Variants in CSMD1 observed in about 807,000 individuals in gnomAD.
CSMD1 encodes CUB and Sushi multiple domains 1.
CSMD1 carries 213 observed loss-of-function variants against 417.5 expected under a neutral mutation model. The ratio of observed to expected loss-of-function variants is 0.51; its 90% CI spans 0.46 to 0.57. The LOEUF (loss-of-function observed/expected upper bound fraction) is 0.57. CSMD1 is among the 20% of genes least tolerant of loss of function. The pLI, the probability that CSMD1 is intolerant of heterozygous loss-of-function variation, is 0.00. For missense variants in CSMD1, 6,923 were observed against 4,529.7 expected, an observed-to-expected ratio of 1.53 and a Z score of -15.17; for synonymous variants, 2,862 against 1,736.8, an observed-to-expected ratio of 1.65 and a Z score of -16.11.
At chr8:3,647,702 T>G (rs961671329) in intron 7 of CSMD1, among the ~76,000 whole-genome samples, 4 of 152,196 alleles carry the variant, frequency 2.6e-5, no homozygotes, top group Admixed American at 6.5e-5. Context: ...AGACATTGAT[T>G]TTCTTTGGAG....
At position 3,999,037 on chromosome 8, in the gene CSMD1, CTATA is replaced by C. The variant is rs1418782669; in HGVS notation, c.611-931_611-928del. On this transcript the variant is annotated intron_variant, in intron 4 of 69. Transcript: ENST00000635120. ...TATAAACTATATGATACTTTATATA[CTATA>C]TATAGCTATGTTATATATATAAATT... is the stretch of plus-strand genomic sequence containing the variant. Among the ~76,000 whole-genome samples the C allele has an allele frequency of 5.4e-5, 8 of 149,306 alleles. No homozygotes were observed. In the East Asian group the frequency reaches 1.4e-3, roughly 26 times the overall value.
chr8:4,072,611 G>C (rs964943325), intron 3 of CSMD1, among the ~76,000 whole-genome samples: 40 of 152,256 alleles, frequency 2.6e-4, no homozygotes, highest in African/African-American at 9.1e-4. Flanking sequence ...TGTGTTTTCT[G>C]TGTTTATGTT....
intron 23 of CSMD1, among the ~76,000 whole-genome samples, chr8:3,310,195 G>A (rs974195032): frequency 6.6e-6 from 1 of 152,182 alleles, no homozygotes; most frequent in Non-Finnish European, 1.5e-5. Context: ...ACTGCATAAT[G>A]CCAAGAAGAC....
intron 2 of CSMD1, among the ~76,000 whole-genome samples, chr8:4,426,884 A>C (rs1196004340): frequency 1.3e-5 from 2 of 151,938 alleles, no homozygotes; most frequent in Non-Finnish European, 2.9e-5. Context: ...AAGGGGTATT[A>C]GTATCAGATG....
intron 12 of CSMD1, among the ~76,000 whole-genome samples, chr8:3,455,743 C>T (rs938407862): frequency 1.6e-4 from 24 of 152,214 alleles, no homozygotes; most frequent in Admixed American, 6.5e-4. Flanking sequence ...GTCCCAGTTA[C>T]GCTACTCAGG....
At chr8:4,805,422 G>A (rs1798531335) in intron 1 of CSMD1, among the ~76,000 whole-genome samples, 1 of 152,112 alleles carries the variant, frequency 6.6e-6, no homozygotes, top group Non-Finnish European at 1.5e-5. Flanking sequence ...ATGTGACCGA[G>A]TCCTTGCCTA....
intron 3 of CSMD1, among the ~76,000 whole-genome samples, chr8:4,108,467 G>A (rs1316775204): frequency 6.6e-6 from 1 of 152,154 alleles, no homozygotes; most frequent in African/African-American, 2.4e-5. Flanking sequence ...TGCTTTAAAA[G>A]CATCAGATTT....
At chr8:4,362,211 A>T (rs967699041) in intron 3 of CSMD1, among the ~76,000 whole-genome samples, 1 of 152,318 alleles carries the variant, frequency 6.6e-6, no homozygotes, top group East Asian at 1.9e-4. Context: ...TTTCCAAAGG[A>T]TCCTGGGAGA....
At chr8:4,197,280 A>C (rs1028571728) in intron 3 of CSMD1, among the ~76,000 whole-genome samples, 1 of 152,256 alleles carries the variant, frequency 6.6e-6, no homozygotes, top group Non-Finnish European at 1.5e-5. Context: ...GAGAAGTATT[A>C]GGCATTAAGT....
chr8:4,840,812 G>C (rs1403196831), intron 1 of CSMD1, among the ~76,000 whole-genome samples: 1 of 152,074 alleles, frequency 6.6e-6, no homozygotes, highest in Admixed American at 6.5e-5. Flanking sequence ...ATACCAGGTA[G>C]GATTAAGTAT....
intron 3 of CSMD1, among the ~76,000 whole-genome samples, chr8:4,181,841 T>C (rs1249376060): frequency 1.3e-5 from 2 of 152,188 alleles, no homozygotes; most frequent in African/African-American, 4.8e-5. Context: ...TTCGTACAAA[T>C]AAAATGATAA....
chr8:3,142,768 A>G, intron 40 of CSMD1, 94 bp from the exon 41 acceptor site: 1 of 1,024,398 alleles, frequency 9.8e-7, no homozygotes, highest in South Asian at 1.3e-5. Flanking sequence ...CAGTCTCCCC[A>G]GACAATCCCT....
rs552803776 is a variant in CSMD1 at position 3,697,884 on chromosome 8, C to G, written c.1009+10530G>C. Among the ~76,000 whole-genome samples the G allele has an allele frequency of 2.0e-5, 3 of 152,060 alleles. No individual in the cohort carries two copies. In the South Asian group the frequency reaches 6.2e-4, roughly 32 times the overall value. On this transcript the variant is annotated intron_variant, in intron 7 of 69. Transcript: ENST00000635120. ...TGAGGTAAAAGAATGTGCTCTCTAG[C>G]CATTACGCAAAGTGAGTTTTTCCCT... is the stretch of plus-strand genomic sequence containing the variant.
At chr8:3,736,786 G>A (rs1796544263) in intron 6 of CSMD1, among the ~76,000 whole-genome samples, 3 of 152,214 alleles carry the variant, frequency 2.0e-5, no homozygotes, top group Admixed American at 2.0e-4. Flanking sequence ...ATCCTCATCT[G>A]CAAAGTGGGA....
chr8:3,110,089 G>T, intron 43 of CSMD1, 69 bp downstream of exon 43: 3 of 1,268,122 alleles, frequency 2.4e-6, no homozygotes, highest in East Asian at 2.6e-5. Context: ...GTATATAAGT[G>T]GCATATGTAT....
intron 2 of CSMD1, among the ~76,000 whole-genome samples, chr8:4,531,781 T>C (rs1796829023): frequency 6.6e-6 from 1 of 152,214 alleles, no homozygotes; most frequent in South Asian, 2.1e-4. Flanking sequence ...CTTTTTAGTA[T>C]ATGTGCAGAG....
At chr8:3,889,922 C>T (rs1806840387) in intron 5 of CSMD1, among the ~76,000 whole-genome samples, 1 of 152,076 alleles carries the variant, frequency 6.6e-6, no homozygotes, top group Non-Finnish European at 1.5e-5. Flanking sequence ...ATGCCACATG[C>T]CCGTAGTCTC....
At chr8:3,210,302 G>T (rs1340126849) in intron 30 of CSMD1, among the ~76,000 whole-genome samples, 1 of 152,020 alleles carries the variant, frequency 6.6e-6, no homozygotes, top group East Asian at 1.9e-4. Flanking sequence ...GGGGAAATCA[G>T]TGTTTCATGC....
chr8:3,307,907 T>C, intron 24 of CSMD1, 86 bp from the exon 25 acceptor site: 1 of 1,432,260 alleles, frequency 7.0e-7, no homozygotes, highest in Non-Finnish European at 9.5e-7. Context: ...AAAGCCATTA[T>C]GTCTGCATTA....
Sources: gnomAD v4.1 joint callset for allele counts (sites outside exome capture counted in the v4.1 genomes callset) on GRCh38, gnomAD v4.1.1 for gene constraint, MANE v1.5 for transcripts, NCBI Gene and HGNC (gene_info 2026-07-23, HGNC 2026-07-21) for gene names.